ADAM17: variants seen among roughly 807,000 people sequenced by gnomAD.
ADAM17 encodes ADAM metallopeptidase domain 17.
Under a neutral mutation model 96.7 loss-of-function variants are expected in ADAM17, and 39 were observed. The observed-to-expected ratio is 0.40, with a 90% confidence interval of 0.31 to 0.53. The LOEUF (loss-of-function observed/expected upper bound fraction) is 0.53, where lower values mean the gene tolerates loss of function less well. Ranked by LOEUF, ADAM17 falls within the 20% of genes least tolerant of loss-of-function variation. The probability of loss-of-function intolerance (pLI) is 0.44; values close to 1 mark genes in which losing one functional copy is unlikely to be tolerated. For synonymous variants in ADAM17, 344 were observed against 359.2 expected (o/e 0.96, Z 0.48); for missense variants, 777 against 1,013.2 (o/e 0.77, Z 3.17).
chr2:9,521,425 C>A (rs1664304210), intron 7 of ADAM17, 109 bp from the exon 8 acceptor site: 5 of 728,224 alleles, frequency 6.9e-6, no homozygotes, highest in Non-Finnish European at 1.1e-5. Context: ...AGAAAAAAAA[C>A]ATTTTAAAAC....
chr2:9,523,922 G>C (rs918934726), intron 6 of ADAM17, among the ~76,000 whole-genome samples: 1 of 151,006 alleles, frequency 6.6e-6, no homozygotes, highest in Non-Finnish European at 1.5e-5. Flanking sequence ...GTCACCAGGG[G>C]TGCAGTACAG....
intron 12 of ADAM17, among the ~76,000 whole-genome samples, chr2:9,503,794 C>T (rs183484052): frequency 2.8e-4 from 42 of 149,214 alleles, no homozygotes; most frequent in African/African-American, 8.7e-4. Flanking sequence ...GCCAAGATCA[C>T]GCCACTGCAC....
chr2:9,549,889 T>C (rs1051358957), intron 1 of ADAM17, among the ~76,000 whole-genome samples: 1 of 152,094 alleles, frequency 6.6e-6, no homozygotes, highest in African/African-American at 2.4e-5. Flanking sequence ...TACTTGAGAG[T>C]GTACTGCAGA....
In ADAM17 at chr2:9,494,643, G is replaced by A. The variant is rs776882539; in HGVS notation, c.1908C>T (p.Asp636=). Residue 636 remains aspartate (D), a synonymous_variant, in exon 15 of 19, where the codon GAC becomes GAT. Coordinates refer to ENST00000310823, the MANE Select transcript of ADAM17 (RefSeq NM_003183.6). ...GCTGTACATAAATACTCACATTCAT[G>A]TCACAAAATCCTACTGTACAGGGCT... The part of the protein sequence containing the change: ...KGKPCTVGFC[D]MNGKCEKRVQ... 2.0e-5 allele frequency: 32 copies of A among 1,613,900 alleles called. No homozygotes were observed. In the South Asian group the frequency reaches 3.3e-4, roughly 17 times the overall value.
intron 4 of ADAM17, among the ~76,000 whole-genome samples, chr2:9,529,969 TAC>T (rs35137204): frequency 3.6e-4 from 54 of 149,292 alleles, no homozygotes; most frequent in African/African-American, 4.9e-4. Context: ...ATCTCAAAAA[TAC>T]ACACACACAC....
At chr2:9,493,011 T>C (rs1405036680) in intron 16 of ADAM17, 25 bp from the exon 17 acceptor site, 1 of 1,568,852 alleles carries the variant, frequency 6.4e-7, no homozygotes, top group Non-Finnish European at 8.7e-7. Flanking sequence ...AAACAGTTAA[T>C]GTCTTGACCA....
chr2:9,514,520 TA>T (rs1558509862), intron 10 of ADAM17, among the ~76,000 whole-genome samples: 2 of 2,736 alleles, frequency 7.3e-4, no homozygotes, highest in Admixed American at 3.3e-3. Context: ...AAAATATAAA[TA>T]TATATATATA....
At chr2:9,517,767 A>G in intron 10 of ADAM17, 134 bp downstream of exon 10, 1 of 578,488 alleles carries the variant, frequency 1.7e-6, no homozygotes, top group Non-Finnish European at 2.7e-6. Context: ...ACAAAAATAC[A>G]TAAATTTTAT....
At chr2:9,502,855 G>A (rs1184165401) in intron 12 of ADAM17, among the ~76,000 whole-genome samples, 1 of 132,108 alleles carries the variant, frequency 7.6e-6, no homozygotes, top group Non-Finnish European at 1.6e-5. Context: ...CTCCAGCCTA[G>A]GCAACAAGAG....
chr2:9,493,849 A>G, intron 15 of ADAM17, 24 bp from the exon 16 acceptor site: 2 of 1,582,806 alleles, frequency 1.3e-6, no homozygotes, highest in Non-Finnish European at 1.7e-6. Flanking sequence ...ACATACATAC[A>G]GCATCATTCC....
intron 10 of ADAM17, among the ~76,000 whole-genome samples, chr2:9,516,818 A>G (rs926580030): frequency 1.4e-4 from 21 of 152,104 alleles, no homozygotes; most frequent in African/African-American, 5.1e-4. Flanking sequence ...TCCTACCAAC[A>G]TCTCTCTCCC....
chr2:9,500,608 A>T (rs1464715299), intron 13 of ADAM17, among the ~76,000 whole-genome samples: 1 of 152,244 alleles, frequency 6.6e-6, no homozygotes, highest in Non-Finnish European at 1.5e-5. Context: ...ACCAAGAGAG[A>T]CAAATTTTGA....
intron 6 of ADAM17, among the ~76,000 whole-genome samples, chr2:9,525,073 T>C (rs1664462371): frequency 6.6e-6 from 1 of 152,090 alleles, no homozygotes; most frequent in Non-Finnish European, 1.5e-5. Flanking sequence ...AGAAGCTTTT[T>C]AAAGTAAAAA....
intron 11 of ADAM17, among the ~76,000 whole-genome samples, chr2:9,508,487 C>G (rs1223105891): frequency 6.6e-6 from 1 of 152,228 alleles, no homozygotes; most frequent in African/African-American, 2.4e-5. Context: ...TCAGTGATTT[C>G]TAATAACTTT....
intron 10 of ADAM17, among the ~76,000 whole-genome samples, chr2:9,514,518 A>T (rs796689085): frequency 1.0e-3 from 91 of 89,776 alleles, no homozygotes; most frequent in South Asian, 3.3e-3. Flanking sequence ...TTAAAATATA[A>T]ATATATATAT....
At position 9,490,070 on chromosome 2, in the gene ADAM17, C is replaced by CTG. The variant is rs1661988289; in HGVS notation, c.*105_*106dup. 4.6e-6 allele frequency: 5 copies of CTG among 1,078,464 alleles called. No homozygotes were observed. The highest frequency in any genetic ancestry group is 3.2e-5 in the African/African-American group (2 of 62,772). 66.8% of individuals were successfully genotyped at this position (1,078,464 alleles called of 1,614,324 possible). On this transcript the variant is annotated 3_prime_UTR_variant, in exon 19 of 19. Transcript: ENST00000310823. Reference sequence around the variant, plus strand: ...GGAAGTTCAAACACATGACCAGCATCTGCTAAGTCACTTCCCAGTCTTCAC... The same window carrying CTG: ...GGAAGTTCAAACACATGACCAGCATCTGTGCTAAGTCACTTCCCAGTCTTCAC...
intron 1 of ADAM17, among the ~76,000 whole-genome samples, chr2:9,549,241 G>C: frequency 6.6e-6 from 1 of 152,010 alleles, no homozygotes; most frequent in East Asian, 1.9e-4. Flanking sequence ...CGCGGTGGCA[G>C]GCACCTGTAA....
At chr2:9,534,615 G>A (rs139249149) in intron 4 of ADAM17, among the ~76,000 whole-genome samples, 2 of 152,150 alleles carry the variant, frequency 1.3e-5, no homozygotes, top group African/African-American at 2.4e-5. Context: ...ATTGTTAAAC[G>A]AAAAATGTGT....
At chr2:9,526,015 C>CA in intron 6 of ADAM17, 96 bp downstream of exon 6, 2 of 1,147,512 alleles carry the variant, frequency 1.7e-6, no homozygotes, top group Non-Finnish European at 2.4e-6. Context: ...AGGGAAATAA[C>CA]AGAGTATCTG....
Sources: allele counts gnomAD v4.1 joint callset (sites outside exome capture counted in the v4.1 genomes callset), GRCh38; gene constraint gnomAD v4.1.1; transcripts MANE v1.5; gene names NCBI Gene and HGNC (gene_info 2026-07-23, HGNC 2026-07-21).